EGFLAM: variants seen among roughly 807,000 people sequenced by gnomAD.
The protein encoded by EGFLAM is pikachurin.
Under a neutral mutation model 113.1 loss-of-function variants are expected in EGFLAM, and 79 were observed. The observed-to-expected ratio is 0.70, with a 90% confidence interval of 0.58 to 0.84. EGFLAM has a LOEUF of 0.84. EGFLAM is among the 40% of genes least tolerant of loss of function. The probability of loss-of-function intolerance (pLI) is 0.00; values close to 1 mark genes in which losing one functional copy is unlikely to be tolerated. For synonymous variants in EGFLAM, 504 were observed against 487.6 expected (o/e 1.03, Z -0.44); for missense variants, 1,265 against 1,291.6 (o/e 0.98, Z 0.32).
At chr5:38,404,629 CT>C in intron 6 of EGFLAM, among the ~76,000 whole-genome samples, 1 of 152,284 alleles carries the variant, frequency 6.6e-6, no homozygotes, top group South Asian at 2.1e-4. Flanking sequence ...GTTTTTTATG[CT>C]TTTTATGTTA....
intron 6 of EGFLAM, among the ~76,000 whole-genome samples, chr5:38,390,213 T>C (rs1419692805): frequency 1.3e-5 from 2 of 152,248 alleles, no homozygotes; most frequent in African/African-American, 4.8e-5. Context: ...TATATTTATT[T>C]GCAAACTTTA....
At chr5:38,289,883 A>G (rs1425203701) in intron 1 of EGFLAM, among the ~76,000 whole-genome samples, 2 of 152,162 alleles carry the variant, frequency 1.3e-5, no homozygotes, top group African/African-American at 4.8e-5. Context: ...GGCAGTTCCC[A>G]CTATCAAACA....
At chr5:38,413,748 A>T (rs772440684) in intron 11 of EGFLAM, among the ~76,000 whole-genome samples, 1 of 152,176 alleles carries the variant, frequency 6.6e-6, no homozygotes. Flanking sequence ...AAGACACATT[A>T]TATAAAGCAG....
At chr5:38,328,909 G>T (rs2246464) in intron 1 of EGFLAM, among the ~76,000 whole-genome samples, 2 of 151,678 alleles carry the variant, frequency 1.3e-5, no homozygotes, top group Admixed American at 1.3e-4. Context: ...GAGCATGATG[G>T]AAGTTTTATG....
At chr5:38,278,313 AT>A (rs940941208) in intron 1 of EGFLAM, among the ~76,000 whole-genome samples, 1 of 152,156 alleles carries the variant, frequency 6.6e-6, no homozygotes, top group African/African-American at 2.4e-5. Context: ...TTCAGTAAAT[AT>A]GCCAGGAAAA....
intron 5 of EGFLAM, among the ~76,000 whole-genome samples, chr5:38,354,581 T>A (rs1239324753): frequency 3.3e-5 from 5 of 151,974 alleles, no homozygotes; most frequent in African/African-American, 1.2e-4. Context: ...ATATAAAAAA[T>A]TAGCTGGGCA....
intron 1 of EGFLAM, among the ~76,000 whole-genome samples, chr5:38,271,349 G>A (rs2561143): frequency 0.62 from 94,093 of 151,982 alleles, 30,248 homozygotes; most frequent in African/African-American, 0.79. Context: ...TGCTTCAACC[G>A]TACTCTCTAC....
Position 38,464,228 on chromosome 5 carries a change from C to G in EGFLAM, c.*242C>G. 1 of 508,380 alleles carries G rather than the reference C, an allele frequency of 2.0e-6. No individual in the cohort carries two copies. The highest frequency in any genetic ancestry group is 5.2e-4 in the Middle Eastern group (1 of 1,918). 31.5% of individuals were successfully genotyped at this position (508,380 alleles called of 1,614,324 possible). On this transcript the variant is annotated 3_prime_UTR_variant, in exon 22 of 22. Coordinates refer to ENST00000322350, the MANE Select transcript of EGFLAM (RefSeq NM_152403.4). ...TGTGTAGGAAGCATCGGACTTTGTC[C>G]ATTGAATATGTAGCGGCTGCCAGAG...
chr5:38,272,937 G>A (rs1757800749), intron 1 of EGFLAM, among the ~76,000 whole-genome samples: 1 of 152,124 alleles, frequency 6.6e-6, no homozygotes, highest in East Asian at 1.9e-4. Context: ...TAGAAGAGGA[G>A]GATGGTATAA....
chr5:38,452,337 T>G (rs1742947648), intron 19 of EGFLAM, among the ~76,000 whole-genome samples: 1 of 152,116 alleles, frequency 6.6e-6, no homozygotes, highest in Non-Finnish European at 1.5e-5. Flanking sequence ...TGGCTTGTAC[T>G]CTCTCATTTA....
intron 6 of EGFLAM, among the ~76,000 whole-genome samples, chr5:38,388,953 T>G (rs1052914792): frequency 1.3e-5 from 2 of 150,792 alleles, no homozygotes; most frequent in Non-Finnish European, 1.5e-5. Context: ...TGCAAATGAG[T>G]TTTTCAGTGA....
In EGFLAM at chr5:38,435,128, T is replaced by C. The variant is rs1009276223; in HGVS notation, c.2167-9T>C. ...GTCATACAATGCTTTGTTTTTAATC[T>C]TTTGGCAGGGAGGCTTCACACAGAT... is the stretch of plus-strand genomic sequence containing the variant. On this transcript the variant is annotated splice_polypyrimidine_tract_variant and intron_variant, in intron 15 of 21. Transcript: ENST00000322350. The C allele has an allele frequency of 1.2e-6, 2 of 1,611,986 alleles. No individual in the cohort carries two copies. Among genetic ancestry groups the C allele is most frequent in the Admixed American group, 3.3e-5 (2 of 60,000 alleles).
chr5:38,430,178 C>T (rs1186597707), intron 14 of EGFLAM: 2 of 189,120 alleles, frequency 1.1e-5, no homozygotes, highest in African/African-American at 4.6e-5. Flanking sequence ...AGCAACCACT[C>T]AGGCCTATAG....
chr5:38,289,277 C>CT (rs33960809), intron 1 of EGFLAM, among the ~76,000 whole-genome samples: 4 of 146,412 alleles, frequency 2.7e-5, no homozygotes, highest in African/African-American at 5.5e-5. Context: ...CTTTCCCCGC[C>CT]CCCACATTTC....
intron 1 of EGFLAM, among the ~76,000 whole-genome samples, chr5:38,264,360 C>T (rs1314736384): frequency 6.6e-6 from 1 of 152,126 alleles, no homozygotes; most frequent in Non-Finnish European, 1.5e-5. Flanking sequence ...TCCACTTTGT[C>T]AGTATTTCTC....
chr5:38,322,205 C>T (rs2589806), intron 1 of EGFLAM, among the ~76,000 whole-genome samples: 3 of 152,200 alleles, frequency 2.0e-5, no homozygotes, highest in African/African-American at 7.2e-5. Flanking sequence ...CGTTGGCCAC[C>T]CTTTTGCCTG....
chr5:38,288,474 T>C (rs1758224792), intron 1 of EGFLAM, among the ~76,000 whole-genome samples: 2 of 152,220 alleles, frequency 1.3e-5, no homozygotes, highest in Admixed American at 6.5e-5. Flanking sequence ...CCTTTCACAA[T>C]TGTACTTTAA....
intron 14 of EGFLAM, among the ~76,000 whole-genome samples, chr5:38,428,081 C>G (rs750232121): frequency 1.3e-5 from 2 of 152,180 alleles, no homozygotes; most frequent in African/African-American, 2.4e-5. Flanking sequence ...AGACATGCTT[C>G]TTGTTCCTAC....
rs565739078 is a variant in EGFLAM, at chr5:38,447,601, C to G, written c.2465-700C>G. On this transcript the variant is annotated intron_variant, in intron 17 of 21. Coordinates refer to ENST00000322350, the MANE Select transcript of EGFLAM (RefSeq NM_152403.4). ...TGAAACCCCATCTCTACTAAAAATA[C>G]AAAAATTAGCCAGGCTTGGTGGCAG... 2.1e-4 allele frequency among the ~76,000 whole-genome samples: 32 copies of G among 152,062 alleles called. 1 individual carries two copies. The South Asian group carries it at 6.6e-3, about 32-fold the overall frequency.
Sources: gnomAD v4.1 joint callset for allele counts (sites outside exome capture counted in the v4.1 genomes callset) on GRCh38, gnomAD v4.1.1 for gene constraint, MANE v1.5 for transcripts, NCBI Gene and HGNC (gene_info 2026-07-23, HGNC 2026-07-21) for gene names.